The following TULP4 variants were observed in gnomAD, a reference collection of about 807,000 sequenced individuals.
TULP4 encodes the protein tubby-related protein 4.
Under a neutral mutation model 129.0 loss-of-function variants are expected in TULP4, and 16 were observed. That is an observed-to-expected ratio of 0.12 (90% CI 0.08 to 0.19). The LOEUF (loss-of-function observed/expected upper bound fraction) is 0.19. TULP4 is among the 10% of genes least tolerant of loss of function. The pLI is 1.00. For synonymous variants in TULP4, 998 were observed against 854.0 expected, an observed-to-expected ratio of 1.17 and a Z score of -2.94; for missense variants, 1,842 against 2,059.1, an observed-to-expected ratio of 0.89 and a Z score of 2.04.
At position 158,331,724 on chromosome 6, in the gene TULP4, C is replaced by CGTATATATAT. The variant is rs1461352017; in HGVS notation, c.252+17456_252+17457insGTATATATAT. On this transcript the variant is annotated intron_variant, in intron 1 of 13. Transcript: ENST00000367097. ...ACACACACACACACACACACACACA[C>CGTATATATAT]ACACATACGTATATATATACGTGTA... Among the ~76,000 whole-genome samples, 10 of 26,606 alleles carry CGTATATATAT rather than the reference C, an allele frequency of 3.8e-4. 1 individual carries two copies. Among genetic ancestry groups the CGTATATATAT allele is most frequent in the African/African-American group, 2.3e-3 (10 of 4,442 alleles). 17.5% of individuals were successfully genotyped at this position (26,606 alleles called of 152,430 possible).
At chr6:158,314,313 T>G (rs760758806) in intron 1 of TULP4, 45 bp downstream of exon 1, 20 of 1,590,808 alleles carry the variant, frequency 1.3e-5, no homozygotes, top group Non-Finnish European at 1.7e-5. Context: ...TCCAGTGGTG[T>G]TTTTGAGCCC....
chr6:158,383,021 C>T (rs1449171953), intron 1 of TULP4, among the ~76,000 whole-genome samples: 4 of 152,154 alleles, frequency 2.6e-5, no homozygotes, highest in East Asian at 1.9e-4. Flanking sequence ...GGATCAAGGT[C>T]GCAGCCAATT....
At chr6:158,379,295 C>T (rs1044711687) in intron 1 of TULP4, among the ~76,000 whole-genome samples, 11 of 152,258 alleles carry the variant, frequency 7.2e-5, no homozygotes, top group Admixed American at 6.5e-4. Context: ...GCCCCAAAAG[C>T]AGTGGTAGGG....
chr6:158,446,142 C>T (rs341130), intron 3 of TULP4, among the ~76,000 whole-genome samples: 63,393 of 152,018 alleles, frequency 0.42, 14,513 homozygotes, highest in African/African-American at 0.62. Flanking sequence ...AAGCTTTATC[C>T]CATTAAAAGT....
At chr6:158,339,448 G>T (rs186989248) in intron 1 of TULP4, among the ~76,000 whole-genome samples, 46 of 152,268 alleles carry the variant, frequency 3.0e-4, no homozygotes, top group African/African-American at 9.9e-4. Flanking sequence ...ACTAGAATTC[G>T]CCAGGCTGGA....
At chr6:158,423,034 A>T (rs923087424) in intron 2 of TULP4, among the ~76,000 whole-genome samples, 1 of 148,090 alleles carries the variant, frequency 6.8e-6, no homozygotes, top group Non-Finnish European at 1.5e-5. Context: ...CCAAGCTCTC[A>T]GGGAGGCAGA....
chr6:158,450,358 G>T (rs1038519332), intron 4 of TULP4, among the ~76,000 whole-genome samples: 2 of 150,582 alleles, frequency 1.3e-5, no homozygotes, highest in Non-Finnish European at 2.9e-5. Flanking sequence ...GCCTCCGTTA[G>T]AACCTGCAAT....
chr6:158,240,639 G>T lies in TULP4; in HGVS notation n.68+8336G>T, dbSNP rs577101108. The stretch of plus-strand genomic sequence containing the variant: ...CACCTCCCAGACGGGGCGGCTGGCC[G>T]GGTGGAGGCTGACCCCCCCACCTCC... On this transcript the variant is annotated intron_variant and non_coding_transcript_variant, in intron 1 of 1. Coordinates refer to the TULP4 transcript ENST00000620026. Among the ~76,000 whole-genome samples the T allele has an allele frequency of 2.2e-4, 24 of 109,546 alleles. 4 individuals carry two copies. In the South Asian group the frequency reaches 5.0e-3, roughly 23 times the overall value. The allele number at this position is 109,546 out of a possible 152,430, so 71.9% of individuals were successfully genotyped here.
In TULP4 at chr6:158,506,736, G is replaced by GA. The variant is rs1010713493; in HGVS notation, c.*44dup. The stretch of plus-strand genomic sequence containing the variant: ...AGGAGAGAGATGCAGAGAGCCTTTG[G>GA]AAGAGGTCTTCGGAGATGCCAGAGG... On this transcript the variant is annotated 3_prime_UTR_variant, in exon 14 of 14. Coordinates refer to ENST00000367097, the MANE Select transcript of TULP4 (RefSeq NM_020245.5). 5.0e-6 allele frequency: 7 copies of GA among 1,402,194 alleles called. No individual in the cohort carries two copies. The highest frequency in any genetic ancestry group is 1.4e-5 in the African/African-American group (1 of 70,836). 86.9% of individuals were successfully genotyped at this position (1,402,194 alleles called of 1,614,324 possible).
intron 1 of TULP4, among the ~76,000 whole-genome samples, chr6:158,395,668 C>CGGGGGCCGG (rs1777696024): frequency 1.2e-5 from 1 of 83,060 alleles, no homozygotes; most frequent in Non-Finnish European, 2.4e-5. Context: ...AAGTGATGGG[C>CGGGGGCCGG]GGGGGGGGGG....
intron 1 of TULP4, among the ~76,000 whole-genome samples, chr6:158,358,247 C>T (rs1362824065): frequency 6.6e-6 from 1 of 152,176 alleles, no homozygotes; most frequent in Non-Finnish European, 1.5e-5. Flanking sequence ...GATTTACAGA[C>T]TTTGTTAAGA....
At chr6:158,459,991 G>A (rs552009210) in intron 5 of TULP4, among the ~76,000 whole-genome samples, 1 of 152,164 alleles carries the variant, frequency 6.6e-6, no homozygotes. Context: ...GATTCACCAG[G>A]ATGTTTTTGG....
chr6:158,387,574 C>CA (rs961228985), intron 1 of TULP4, among the ~76,000 whole-genome samples: 1 of 152,152 alleles, frequency 6.6e-6, no homozygotes, highest in Non-Finnish European at 1.5e-5. Context: ...GTGTGTTTTC[C>CA]ATCATCCAAG....
chr6:158,348,654 A>G (rs139286142), intron 1 of TULP4, among the ~76,000 whole-genome samples: 8,041 of 150,168 alleles, frequency 0.054, 285 homozygotes, highest in African/African-American at 0.092. Context: ...CAAAACTGCC[A>G]TTGTCATCAT....
chr6:158,477,219 T>TA (rs1779843235), intron 6 of TULP4, among the ~76,000 whole-genome samples: 1 of 152,206 alleles, frequency 6.6e-6, no homozygotes, highest in African/African-American at 2.4e-5. Flanking sequence ...GACACATACT[T>TA]ATGATAATTT....
In TULP4 at chr6:158,369,841, A is replaced by G. The variant is rs537763093; in HGVS notation, c.253-43224A>G. On this transcript the variant is annotated intron_variant, in intron 1 of 13. Transcript: ENST00000367097. ...GGGGAGGGAGATTTGCTTTCTCTGC[A>G]TCCCTTTTCCATCTTTGACTTTTGT... Among the ~76,000 whole-genome samples, 84 of 152,280 alleles carry G rather than the reference A, an allele frequency of 5.5e-4. No individual in the cohort carries two copies. The South Asian group carries it at 0.017, about 31-fold the overall frequency.
At chr6:158,367,994 G>A (rs960798888) in intron 1 of TULP4, among the ~76,000 whole-genome samples, 1 of 144,140 alleles carries the variant, frequency 6.9e-6, no homozygotes, top group African/African-American at 2.5e-5. Context: ...CTCGGGAGGC[G>A]AGGTATGAGG....
chr6:158,408,834 T>A (rs1778023980), intron 1 of TULP4, among the ~76,000 whole-genome samples: 1 of 152,232 alleles, frequency 6.6e-6, no homozygotes. Flanking sequence ...ACAATTAAAT[T>A]GGCAATCACT....
In TULP4 at chr6:158,376,890, G is replaced by GT. The variant is rs1456405504; in HGVS notation, c.253-36175_253-36174insT. Among the ~76,000 whole-genome samples the GT allele has an allele frequency of 2.0e-5, 3 of 152,206 alleles. No individual in the cohort carries two copies. In the East Asian group the frequency reaches 5.8e-4, roughly 29 times the overall value. ...CACAGGGAGCAGCTGAGGGACTCAG[G>GT]GCAGCTGTCTCTGACACCTGTGACA... On this transcript the variant is annotated intron_variant, in intron 1 of 13. Transcript: ENST00000367097.
Sources: gnomAD v4.1 joint callset for allele counts (sites outside exome capture counted in the v4.1 genomes callset) on GRCh38, gnomAD v4.1.1 for gene constraint, MANE v1.5 for transcripts, NCBI Gene and HGNC (gene_info 2026-07-23, HGNC 2026-07-21) for gene names.